PLCE1: variants seen among roughly 807,000 people sequenced by gnomAD.
PLCE1 encodes phospholipase C epsilon 1, also known as 1-phosphatidylinositol 4,5-bisphosphate phosphodiesterase epsilon-1.
In PLCE1, 119 loss-of-function variants were observed where a neutral mutation model predicts 242.8. The ratio of observed to expected loss-of-function variants is 0.49; its 90% CI spans 0.42 to 0.57. The LOEUF is 0.57. PLCE1 is among the 20% of genes least tolerant of loss of function. The pLI is 0.00. For missense variants in PLCE1, 2,441 were observed against 2,788.8 expected (o/e 0.88, Z 2.81); for synonymous variants, 945 against 1,017.4 (o/e 0.93, Z 1.35).
intron 5 of PLCE1, among the ~76,000 whole-genome samples, chr10:94,231,717 A>G (rs1400415711): frequency 6.6e-6 from 1 of 152,130 alleles, no homozygotes; most frequent in African/African-American, 2.4e-5. Flanking sequence ...TGGTTTTCAG[A>G]TGAAACTGTT....
chr10:94,081,737 G>A (rs147173472), intron 2 of PLCE1, among the ~76,000 whole-genome samples: 1 of 152,318 alleles, frequency 6.6e-6, no homozygotes, highest in African/African-American at 2.4e-5. Flanking sequence ...CTGAAGCTTA[G>A]AGTAGTTAAG....
chr10:94,313,289 TCA>T lies in PLCE1; in HGVS notation c.6042_6043del (p.His2014GlnfsTer19). The T allele has an allele frequency of 1.2e-6, 2 of 1,614,144 alleles. No homozygotes were observed. Among genetic ancestry groups the T allele is most frequent in the Non-Finnish European group, 1.7e-6 (2 of 1,179,968 alleles). ...NTEERKCLQT[H>X]RVTVHGVPGP... The stretch of plus-strand genomic sequence containing the variant: ...CAGAAGAAAGAAAATGTTTGCAGAC[TCA>T]CAGAGTCACGGTGCATGGGGTCCCA... On this transcript the variant is annotated frameshift_variant, in exon 28 of 33. Coordinates refer to ENST00000371380, the MANE Select transcript of PLCE1 (RefSeq NM_016341.4). LOFTEE classifies it high-confidence loss of function.
intron 7 of PLCE1, 97 bp from the exon 8 acceptor site, chr10:94,245,849 A>G: frequency 1.1e-6 from 1 of 923,540 alleles, no homozygotes; most frequent in Admixed American, 1.7e-5. Flanking sequence ...TTGAATTCAT[A>G]GTGCGATGAA....
chr10:94,144,920 TAGAGAGAGGCAAAAC>T (rs1475796212), intron 3 of PLCE1, among the ~76,000 whole-genome samples: 6 of 152,178 alleles, frequency 3.9e-5, no homozygotes, highest in South Asian at 2.1e-4. Flanking sequence ...CTATGAAAAA[TAGAGAGAGGCAAAAC>T]AGAGAGAGGC....
intron 19 of PLCE1, among the ~76,000 whole-genome samples, chr10:94,276,896 T>G (rs1293959877): frequency 6.6e-6 from 1 of 152,176 alleles, no homozygotes; most frequent in East Asian, 1.9e-4. Context: ...CCTTTCATGA[T>G]GACTTCCCAA....
chr10:94,147,019 CT>C (rs1458844331), intron 3 of PLCE1, among the ~76,000 whole-genome samples: 1 of 152,158 alleles, frequency 6.6e-6, no homozygotes, highest in African/African-American at 2.4e-5. Flanking sequence ...TCTTTCCAGC[CT>C]CACGATCTAG....
rs956275597 is a variant in PLCE1, at chr10:94,254,190, G to T, written c.3280G>T (p.Gly1094Cys). Residue 1094 changes from glycine (G) to cysteine (C), a missense_variant and splice_region_variant, in exon 10 of 33, where the codon GGT becomes TGT. Around this residue, in one of 5 missense-constraint regions of PLCE1, gnomAD observed 1,004 missense variants for 1,322.7 expected, o/e 0.76. Transcript: ENST00000371380. ...ACCATCGTGAGCTTTGTGTTCCCAGGGTGAGAGTGGAGAGGTAACTGACGA... is the reference window on the plus strand; with the variant it reads ...ACCATCGTGAGCTTTGTGTTCCCAGTGTGAGAGTGGAGAGGTAACTGACGA... ...TKKKKKILMR[G>C]ESGEVTDDEM... 1 of 1,606,670 alleles carries T rather than the reference G, an allele frequency of 6.2e-7. No individual in the cohort carries two copies. The highest frequency in any genetic ancestry group is 8.5e-7 in the Non-Finnish European group (1 of 1,173,274).
chr10:94,160,643 T>G (rs2047581041), intron 3 of PLCE1, among the ~76,000 whole-genome samples: 1 of 152,196 alleles, frequency 6.6e-6, no homozygotes, highest in African/African-American at 2.4e-5. Flanking sequence ...ATTTGTCAAT[T>G]TTGTCTTTTA....
At chr10:94,079,447 C>T (rs780934284) in intron 2 of PLCE1, among the ~76,000 whole-genome samples, 2 of 151,906 alleles carry the variant, frequency 1.3e-5, no homozygotes, top group Non-Finnish European at 2.9e-5. Context: ...CAGGGCCTGT[C>T]GTGGGGTGGG....
At chr10:94,021,532 C>A (rs1325276533) in intron 1 of PLCE1, among the ~76,000 whole-genome samples, 2 of 152,136 alleles carry the variant, frequency 1.3e-5, no homozygotes, top group Middle Eastern at 3.4e-3. Context: ...TACATTTGTA[C>A]CTTTGTTGAA....
In PLCE1 at chr10:94,273,695, C is replaced by G; in HGVS notation, c.4640C>G (p.Thr1547Arg). ...AACAAGAAGCTAAAAGCCCATCAGA[C>G]GCCAGTGGATATCTTAAAGCAAAAG... ...LKNKKLKAHQ[T>R]PVDILKQKAH... Residue 1547 changes from threonine (T) to arginine (R), a missense_variant, in exon 19 of 33, where the codon ACG (threonine) becomes AGG (arginine). By Grantham distance (71) the Thr-to-Arg change is moderately conservative. Coordinates refer to ENST00000371380, the MANE Select transcript of PLCE1 (RefSeq NM_016341.4). 6.2e-7 allele frequency: 1 copy of G among 1,613,890 alleles called. No homozygotes were observed. The highest frequency in any genetic ancestry group is 1.1e-5 in the South Asian group (1 of 91,076).
intron 2 of PLCE1, among the ~76,000 whole-genome samples, chr10:94,076,983 C>T (rs2044522645): frequency 6.6e-6 from 1 of 152,214 alleles, no homozygotes; most frequent in African/African-American, 2.4e-5. Flanking sequence ...AGAGGAAAGC[C>T]TCCCACCCAC....
rs61886344 is a variant in PLCE1 at position 94,330,442 on chromosome 10, G to A, written c.*2499G>A. ...TGCCTGTAATCCCAACACTCTGGGA[G>A]GCTGAGGTGGGTGGATCACCTGAGG... On this transcript the variant is annotated 3_prime_UTR_variant, in exon 33 of 33. Coordinates refer to ENST00000371380, the MANE Select transcript of PLCE1 (RefSeq NM_016341.4). 0.037 allele frequency: 5,610 copies of A among 152,324 alleles called. 152 individuals are homozygous for A. The highest frequency in any genetic ancestry group is 0.058 in the Non-Finnish European group (3,915 of 68,050). The allele number at this position is 152,324 out of a possible 1,614,324, so 9.4% of individuals were successfully genotyped here. A position where few individuals can be genotyped will look rare whatever the true frequency, so the allele number is the denominator to read the frequency against.
At chr10:94,026,027 A>G (rs74149560) in intron 1 of PLCE1, among the ~76,000 whole-genome samples, 17 of 152,316 alleles carry the variant, frequency 1.1e-4, no homozygotes, top group African/African-American at 4.1e-4. Context: ...CTGTGTTCCA[A>G]TAAAATTTCA....
intron 4 of PLCE1, among the ~76,000 whole-genome samples, chr10:94,222,856 A>G (rs2049801835): frequency 6.6e-6 from 1 of 152,198 alleles, no homozygotes; most frequent in South Asian, 2.1e-4. Flanking sequence ...CTTGCAGACC[A>G]GCAGTGGGCT....
intron 1 of PLCE1, among the ~76,000 whole-genome samples, chr10:94,021,256 C>T: frequency 6.9e-6 from 1 of 144,150 alleles, no homozygotes; most frequent in Non-Finnish European, 1.5e-5. Flanking sequence ...TTTTGAAGAC[C>T]AGAAGTTTTA....
intron 2 of PLCE1, among the ~76,000 whole-genome samples, chr10:94,054,027 GA>G (rs1332052831): frequency 6.6e-6 from 1 of 152,070 alleles, no homozygotes; most frequent in African/African-American, 2.4e-5. Context: ...ATCATCAAGG[GA>G]AAAATGCAAG....
At position 94,032,009 on chromosome 10, in the gene PLCE1, A is replaced by C; in HGVS notation, c.963A>C (p.Arg321=). 6.2e-7 allele frequency: 1 copy of C among 1,613,822 alleles called. No homozygotes were observed. Among genetic ancestry groups the C allele is most frequent in the Non-Finnish European group, 8.5e-7 (1 of 1,179,812 alleles). Residue 321 remains arginine (R), a synonymous_variant, in exon 2 of 33, where the codon CGA becomes CGC. Coordinates refer to ENST00000371380, the MANE Select transcript of PLCE1 (RefSeq NM_016341.4). ...EEDAFKSKKE[R]STLLVRRFCK... is the part of the protein sequence containing the mutation. ...ACGCTTTTAAAAGCAAAAAGGAGCGATCCACTTTGTTAGTCAGGAGATTCT... is the reference window on the plus strand; with the variant it reads ...ACGCTTTTAAAAGCAAAAAGGAGCGCTCCACTTTGTTAGTCAGGAGATTCT...
chr10:94,253,810 C>T (rs2050967990), intron 9 of PLCE1, among the ~76,000 whole-genome samples: 1 of 152,212 alleles, frequency 6.6e-6, no homozygotes, highest in African/African-American at 2.4e-5. Context: ...TACATTTCAA[C>T]ATGAGATTTG....
Sources: gnomAD v4.1 joint callset for allele counts (sites outside exome capture counted in the v4.1 genomes callset) on GRCh38, gnomAD v4.1.1 for gene constraint, gnomAD v4.1.1 regional missense constraint, MANE v1.5 for transcripts, NCBI Gene and HGNC (gene_info 2026-07-23, HGNC 2026-07-21) for gene names.